Variants in VWA8 observed in about 807,000 individuals in gnomAD.
The protein encoded by VWA8 is von Willebrand factor A domain-containing protein 8.
Under a neutral mutation model 241.5 loss-of-function variants are expected in VWA8, and 221 were observed. The observed-to-expected ratio is 0.91, with a 90% confidence interval of 0.82 to 1.02. VWA8 has a LOEUF of 1.02. VWA8 is among the 50% of genes least tolerant of loss of function. VWA8 has a pLI of 0.00. For missense variants in VWA8, 2,322 were observed against 2,328.7 expected (o/e 1.00, Z 0.06); for synonymous variants, 852 against 827.1 (o/e 1.03, Z -0.52).
intron 37 of VWA8, among the ~76,000 whole-genome samples, chr13:41,639,376 A>C (rs368429698): frequency 4.6e-5 from 7 of 152,192 alleles, no homozygotes; most frequent in East Asian, 3.9e-4. Context: ...ACCACCTCCC[A>C]GAAGTTGTTC....
intron 2 of VWA8, among the ~76,000 whole-genome samples, chr13:41,945,892 A>G (rs1439923781): frequency 6.6e-6 from 1 of 152,184 alleles, no homozygotes; most frequent in Non-Finnish European, 1.5e-5. Context: ...GATGAAAAAC[A>G]TTAATTTCCA....
rs560040330 is a variant in VWA8 at position 41,627,463 on chromosome 13, C to G, written c.4612-12379G>C. On this transcript the variant is annotated intron_variant, in intron 37 of 44. Transcript: ENST00000379310. ...AAGAGTCAAGCAGGTTCGCTAGGGC[C>G]GCTCAGGGAGAGAGAACCTAGAAGC... is the stretch of plus-strand genomic sequence containing the variant. Among the ~76,000 whole-genome samples the G allele has an allele frequency of 2.0e-5, 3 of 152,188 alleles. No homozygotes were observed. In the East Asian group the frequency reaches 5.8e-4, roughly 29 times the overall value.
At chr13:41,924,960 A>T (rs182189184) in intron 2 of VWA8, among the ~76,000 whole-genome samples, 1 of 150,750 alleles carries the variant, frequency 6.6e-6, no homozygotes, top group Non-Finnish European at 1.5e-5. Flanking sequence ...CTATTCTCCA[A>T]TGTACATTAT....
Position 41,950,162 on chromosome 13 carries a change from C to T in VWA8, c.164-149G>A, listed in dbSNP as rs1878059185. ...ATAAGTCAAGCACTATGCTCTAAAA[C>T]TTCTATCCAAAGTATATATGTATAA... On this transcript the variant is annotated intron_variant, in intron 1 of 44. Coordinates refer to ENST00000379310, the MANE Select transcript of VWA8 (RefSeq NM_015058.2). The T allele has an allele frequency of 6.5e-6, 3 of 459,612 alleles. No individual in the cohort carries two copies. The South Asian group carries it at 1.5e-4, about 23-fold the overall frequency. 28.5% of individuals were successfully genotyped at this position (459,612 alleles called of 1,614,324 possible).
chr13:41,879,026 G>A (rs1243057838), intron 9 of VWA8, among the ~76,000 whole-genome samples: 5 of 152,028 alleles, frequency 3.3e-5, no homozygotes, highest in African/African-American at 9.7e-5. Flanking sequence ...CCTCCCTGAG[G>A]ATGTGCCCTT....
Position 41,830,522 on chromosome 13 carries a change from A to G in VWA8, c.1700+7T>C. On this transcript the variant is annotated splice_region_variant and intron_variant, in intron 14 of 44. Transcript: ENST00000379310. ...ATTAGCAATGGGAGTAATGGACCCC[A>G]AATTACCTCTTCTGTAGCTGTTCAT... 1 of 1,611,142 alleles carries G rather than the reference A, an allele frequency of 6.2e-7. No individual in the cohort carries two copies. Among genetic ancestry groups the G allele is most frequent in the Non-Finnish European group, 8.5e-7 (1 of 1,177,902 alleles).
chr13:41,852,867 T>C (rs1235163244), intron 12 of VWA8, among the ~76,000 whole-genome samples: 1 of 152,148 alleles, frequency 6.6e-6, no homozygotes, highest in Non-Finnish European at 1.5e-5. Flanking sequence ...TTGTGGAATA[T>C]TTTGAAACCA....
At chr13:41,922,232 G>A (rs1876576951) in intron 2 of VWA8, among the ~76,000 whole-genome samples, 1 of 152,114 alleles carries the variant, frequency 6.6e-6, no homozygotes, top group South Asian at 2.1e-4. Context: ...GCTAGCCACA[G>A]GTAGAAAGCT....
At chr13:41,904,901 T>C (rs1875635486) in intron 4 of VWA8, among the ~76,000 whole-genome samples, 1 of 152,036 alleles carries the variant, frequency 6.6e-6, no homozygotes, top group Non-Finnish European at 1.5e-5. Context: ...GATAACCAAC[T>C]GGAAAAAGAA....
At chr13:41,739,090 A>C (rs540930752) in intron 21 of VWA8, among the ~76,000 whole-genome samples, 38 of 152,294 alleles carry the variant, frequency 2.5e-4, no homozygotes, top group African/African-American at 8.4e-4. Context: ...TACCAATGGT[A>C]CTGCTTTAGA....
rs371770462 is a variant in VWA8 at position 41,719,637 on chromosome 13, C to T, written c.3070G>A (p.Gly1024Arg). Reference protein sequence around the residue: ...EILINTLHKYGIPIGAKPTSV... With the variant: ...EILINTLHKYRIPIGAKPTSV... ...GTAGGCTTTGCTCCGATAGGTATCC[C>T]GTATTTGTGTAAAGTGTTAATCAAT... Residue 1024 changes from glycine (G) to arginine (R), a missense_variant, in exon 26 of 45, where the codon GGG (glycine) becomes AGG (arginine). Coordinates refer to ENST00000379310, the MANE Select transcript of VWA8 (RefSeq NM_015058.2). 6.1e-5 allele frequency: 98 copies of T among 1,612,920 alleles called. No homozygotes were observed. The highest frequency in any genetic ancestry group is 1.6e-4 in the Middle Eastern group (1 of 6,080).
intron 17 of VWA8, among the ~76,000 whole-genome samples, chr13:41,797,615 C>G (rs953355643): frequency 6.6e-6 from 1 of 152,040 alleles, no homozygotes; most frequent in African/African-American, 2.4e-5. Context: ...ATACAGTGTT[C>G]CTTCTTAGGT....
intron 26 of VWA8, among the ~76,000 whole-genome samples, chr13:41,716,752 A>G (rs2045350290): frequency 6.6e-6 from 1 of 152,112 alleles, no homozygotes; most frequent in Non-Finnish European, 1.5e-5. Flanking sequence ...CTGTTCATTC[A>G]GGGCAAAAAG....
rs1388491186 is a variant in VWA8 at position 41,960,995 on chromosome 13, G to A, written c.21C>T (p.Leu7=). The part of the protein sequence containing the change: MQSRLL[L]LGAPGGHGGP... ...CGCCGTGGCCTCCGGGTGCCCCGAGGAGTAGAAGCCGGGATTGCATGGCGC... is the reference window on the plus strand; with the variant it reads ...CGCCGTGGCCTCCGGGTGCCCCGAGAAGTAGAAGCCGGGATTGCATGGCGC... The change falls in exon 1 of 45, where the codon CTC becomes CTT. Residue 7 remains leucine, a synonymous_variant. Transcript: ENST00000379310. 2.9e-6 allele frequency: 4 copies of A among 1,398,064 alleles called. No individual in the cohort carries two copies. The highest frequency in any genetic ancestry group is 1.5e-5 in the African/African-American group (1 of 66,154). The allele number at this position is 1,398,064 out of a possible 1,614,324, so 86.6% of individuals were successfully genotyped here.
intron 35 of VWA8, among the ~76,000 whole-genome samples, chr13:41,677,801 T>G (rs544226188): frequency 5.3e-5 from 8 of 152,232 alleles, no homozygotes; most frequent in African/African-American, 1.7e-4. Context: ...CATCCATCCA[T>G]CCATCCATCT....
At chr13:41,884,201 G>A (rs927369573) in intron 8 of VWA8, among the ~76,000 whole-genome samples, 1 of 152,130 alleles carries the variant, frequency 6.6e-6, no homozygotes, top group East Asian at 1.9e-4. Context: ...ATCTTGAATT[G>A]TAGCTCCCAC....
At chr13:41,957,402 C>T (rs1487280785) in intron 1 of VWA8, among the ~76,000 whole-genome samples, 2 of 152,108 alleles carry the variant, frequency 1.3e-5, no homozygotes, top group Non-Finnish European at 2.9e-5. Flanking sequence ...TCCATGAAAC[C>T]TCTTTTTCTT....
intron 37 of VWA8, among the ~76,000 whole-genome samples, chr13:41,656,683 A>G (rs1412843010): frequency 6.6e-6 from 1 of 152,212 alleles, no homozygotes; most frequent in Non-Finnish European, 1.5e-5. Context: ...TAATTACCAT[A>G]TATTAGGTAA....
At chr13:41,745,052 G>A (rs1267534760) in intron 21 of VWA8, among the ~76,000 whole-genome samples, 2 of 152,020 alleles carry the variant, frequency 1.3e-5, no homozygotes, top group Non-Finnish European at 2.9e-5. Flanking sequence ...ATGTTAGCCA[G>A]GATGGTCTCA....
Sources: allele counts gnomAD v4.1 joint callset (sites outside exome capture counted in the v4.1 genomes callset), GRCh38; gene constraint gnomAD v4.1.1; transcripts MANE v1.5; gene names NCBI Gene and HGNC (gene_info 2026-07-23, HGNC 2026-07-21).